Variants in USP34 observed in about 807,000 individuals in gnomAD.
The protein encoded by USP34 is ubiquitin specific peptidase 34.
A neutral mutation model predicts 460.3 loss-of-function variants in USP34; 70 were observed. The ratio of observed to expected loss-of-function variants is 0.15; its 90% CI spans 0.13 to 0.19. The LOEUF (loss-of-function observed/expected upper bound fraction) is 0.19. Ranked by LOEUF, USP34 falls within the 10% of genes least tolerant of loss-of-function variation. The probability of loss-of-function intolerance (pLI) is 1.00; values close to 1 mark genes in which losing one functional copy is unlikely to be tolerated. For missense variants in USP34, 3,985 were observed against 4,236.2 expected (o/e 0.94, Z 1.65); for synonymous variants, 1,647 against 1,405.3 (o/e 1.17, Z -3.85).
intron 41 of USP34, among the ~76,000 whole-genome samples, chr2:61,268,329 G>A (rs1001546503): frequency 1.3e-5 from 2 of 150,412 alleles, no homozygotes; most frequent in African/African-American, 4.9e-5. Flanking sequence ...TGGAGGTGAG[G>A]TCTAGTGAGA....
chr2:61,312,773 G>T lies in USP34; in HGVS notation c.3543-863C>A, dbSNP rs191839171. Among the ~76,000 whole-genome samples, 117 of 152,300 alleles carry T rather than the reference G, an allele frequency of 7.7e-4. 1 individual carries two copies. The highest frequency in any genetic ancestry group is 2.5e-3 in the African/African-American group (104 of 41,570). ...AGGAGGCTGTATCTCATGCTCTGAT[G>T]TTCAGCAGCATCTCACCAGATACCA... On this transcript the variant is annotated intron_variant, in intron 25 of 79. Coordinates refer to ENST00000398571, the MANE Select transcript of USP34 (RefSeq NM_014709.4).
intron 8 of USP34, among the ~76,000 whole-genome samples, chr2:61,375,017 C>T (rs1187623583): frequency 6.6e-6 from 1 of 152,148 alleles, no homozygotes; most frequent in African/African-American, 2.4e-5. Flanking sequence ...AATGTACAGT[C>T]TTCTTAGGCA....
chr2:61,316,096 C>T (rs1269996393), intron 23 of USP34, among the ~76,000 whole-genome samples: 1 of 150,688 alleles, frequency 6.6e-6, no homozygotes, highest in Non-Finnish European at 1.5e-5. Flanking sequence ...ATCCCAGCTA[C>T]TCGGGAGGTT....
chr2:61,368,466 G>A (rs1231606951), intron 10 of USP34, among the ~76,000 whole-genome samples: 1 of 151,918 alleles, frequency 6.6e-6, no homozygotes, highest in Non-Finnish European at 1.5e-5. Context: ...TGTCTGTGTA[G>A]CAAGAATTTC....
intron 30 of USP34, among the ~76,000 whole-genome samples, chr2:61,295,913 AGAG>A (rs1690012309): frequency 6.6e-6 from 1 of 152,212 alleles, no homozygotes; most frequent in African/African-American, 2.4e-5. Flanking sequence ...TTCATCCTGT[AGAG>A]TTCTTTCGGA....
chr2:61,298,312 G>C (rs540680905), intron 29 of USP34, among the ~76,000 whole-genome samples: 1 of 133,106 alleles, frequency 7.5e-6, no homozygotes. Context: ...ACAAGGTCAG[G>C]AGATCAAGAC....
chr2:61,326,926 G>A (rs1355933576), intron 20 of USP34, among the ~76,000 whole-genome samples: 1 of 151,846 alleles, frequency 6.6e-6, no homozygotes, highest in East Asian at 1.9e-4. Context: ...TGGGATTACA[G>A]GTGCATGCCT....
At chr2:61,429,067 A>C (rs1172262459) in intron 1 of USP34, among the ~76,000 whole-genome samples, 1 of 152,204 alleles carries the variant, frequency 6.6e-6, no homozygotes, top group Non-Finnish European at 1.5e-5. Context: ...TTGGGAAGAA[A>C]AGGAGGGAGG....
At chr2:61,458,788 C>T (rs1695512641) in intron 1 of USP34, among the ~76,000 whole-genome samples, 2 of 152,002 alleles carry the variant, frequency 1.3e-5, no homozygotes, top group South Asian at 2.1e-4. Flanking sequence ...AAAATCTTGG[C>T]GGGGCACAGT....
At chr2:61,325,852 T>C (rs1406873515) in intron 20 of USP34, among the ~76,000 whole-genome samples, 1 of 152,230 alleles carries the variant, frequency 6.6e-6, no homozygotes, top group South Asian at 2.1e-4. Context: ...TAATATATTC[T>C]GTACCCAAGA....
intron 1 of USP34, among the ~76,000 whole-genome samples, chr2:61,466,325 T>C (rs1387185232): frequency 2.0e-5 from 3 of 151,998 alleles, no homozygotes; most frequent in Non-Finnish European, 4.4e-5. Flanking sequence ...CTTGGGAGGA[T>C]GTGGCAGGAG....
intron 41 of USP34, among the ~76,000 whole-genome samples, chr2:61,270,448 T>C (rs1689177944): frequency 6.6e-6 from 1 of 152,312 alleles, no homozygotes; most frequent in African/African-American, 2.4e-5. Context: ...TTTTATTTTA[T>C]TTATTTTTGA....
At position 61,348,968 on chromosome 2, in the gene USP34, T is replaced by C. The variant is rs1691855558; in HGVS notation, c.1544-82A>G. Reference sequence around the variant, plus strand: ...AGAATGACATTATCATTTGATTCCTTGACCTAGTTACCAAAGCTTTATGCT... The same window carrying C: ...AGAATGACATTATCATTTGATTCCTCGACCTAGTTACCAAAGCTTTATGCT... On this transcript the variant is annotated intron_variant, in intron 13 of 79. Transcript: ENST00000398571. 7 of 1,442,596 alleles carry C rather than the reference T, an allele frequency of 4.9e-6. 1 individual carries two copies. The East Asian group carries it at 1.5e-4, about 30-fold the overall frequency. 89.4% of individuals were successfully genotyped at this position (1,442,596 alleles called of 1,614,324 possible). A position where few individuals can be genotyped will look rare whatever the true frequency, so the allele number is the denominator to read the frequency against.
Position 61,241,663 on chromosome 2 carries a change from A to G in USP34, c.6682-8T>C, listed in dbSNP as rs756592235. 2.9e-5 allele frequency: 45 copies of G among 1,563,598 alleles called. No individual in the cohort carries two copies. In the African/African-American group the frequency reaches 5.6e-4, roughly 19 times the overall value. On this transcript the variant is annotated splice_polypyrimidine_tract_variant and splice_region_variant and intron_variant, in intron 52 of 79. Coordinates refer to ENST00000398571, the MANE Select transcript of USP34 (RefSeq NM_014709.4). Reference sequence around the variant, plus strand: ...CATATATGCACTGTGTGTCTTTAAGAGGCAAGAAAAAAATTTATTTTCATT... The same window carrying G: ...CATATATGCACTGTGTGTCTTTAAGGGGCAAGAAAAAAATTTATTTTCATT...
intron 2 of USP34, among the ~76,000 whole-genome samples, chr2:61,416,429 G>A (rs1035583722): frequency 3.9e-5 from 6 of 152,244 alleles, no homozygotes; most frequent in African/African-American, 9.6e-5. Flanking sequence ...TTCTTATATA[G>A]AAGAAATTCC....
chr2:61,462,675 A>C (rs763479191), intron 1 of USP34, among the ~76,000 whole-genome samples: 1 of 152,034 alleles, frequency 6.6e-6, no homozygotes, highest in Non-Finnish European at 1.5e-5. Flanking sequence ...AGCCTGACCA[A>C]CATGGCGAAA....
intron 76 of USP34, 36 bp downstream of exon 76, chr2:61,192,865 A>AT (rs770866357): frequency 1.3e-6 from 2 of 1,567,686 alleles, no homozygotes; most frequent in Non-Finnish European, 8.8e-7. Flanking sequence ...GTCAGATAAG[A>AT]TTAAAGACCA....
intron 53 of USP34, among the ~76,000 whole-genome samples, chr2:61,239,802 AT>A (rs1265299027): frequency 2.6e-5 from 4 of 152,238 alleles, no homozygotes; most frequent in Non-Finnish European, 1.5e-5. Context: ...AGGTCAAGAG[AT>A]TGAGACCATC....
intron 1 of USP34, among the ~76,000 whole-genome samples, chr2:61,428,275 A>T (rs547015273): frequency 6.6e-6 from 1 of 152,028 alleles, no homozygotes; most frequent in African/African-American, 2.4e-5. Flanking sequence ...CACCTTTGCA[A>T]ATGTTAAATC....
Sources: gnomAD v4.1 joint callset for allele counts (sites outside exome capture counted in the v4.1 genomes callset) on GRCh38, gnomAD v4.1.1 for gene constraint, MANE v1.5 for transcripts, NCBI Gene and HGNC (gene_info 2026-07-23, HGNC 2026-07-21) for gene names.